The following PHF2 variants were observed in gnomAD, a reference collection of about 807,000 sequenced individuals.
PHF2 encodes the protein PHD finger protein 2.
Under a neutral mutation model 120.5 loss-of-function variants are expected in PHF2, and 27 were observed. The ratio of observed to expected loss-of-function variants is 0.22; its 90% CI spans 0.17 to 0.31. PHF2 has a LOEUF of 0.31. Among genes scored for constraint, PHF2 ranks in the 10% least tolerant of loss-of-function variants. The pLI is 1.00. For missense variants in PHF2, 1,024 were observed against 1,434.8 expected, an observed-to-expected ratio of 0.71 and a Z score of 4.63; for synonymous variants, 568 against 592.5, an observed-to-expected ratio of 0.96 and a Z score of 0.60.
chr9:93,612,843 G>A (rs1456878590), intron 1 of PHF2, among the ~76,000 whole-genome samples: 3 of 152,246 alleles, frequency 2.0e-5, no homozygotes, highest in Non-Finnish European at 4.4e-5. Flanking sequence ...TCTCTGTGGG[G>A]TTGTGAGAAG....
intron 1 of PHF2, among the ~76,000 whole-genome samples, chr9:93,615,334 T>G (rs1825713795): frequency 6.6e-6 from 1 of 151,550 alleles, no homozygotes; most frequent in African/African-American, 2.4e-5. Context: ...ATGGTGATGG[T>G]GATGATAGCA....
intron 2 of PHF2, among the ~76,000 whole-genome samples, chr9:93,633,572 C>T (rs1011456382): frequency 1.3e-5 from 2 of 152,208 alleles, no homozygotes; most frequent in African/African-American, 2.4e-5. Flanking sequence ...TGGGATAGGG[C>T]GCCCCATGCT....
intron 3 of PHF2, among the ~76,000 whole-genome samples, chr9:93,645,054 T>C (rs1826231429): frequency 1.3e-5 from 2 of 152,078 alleles, no homozygotes; most frequent in South Asian, 4.1e-4. Context: ...TGGGCAGGAA[T>C]GTGGGGACAG....
chr9:93,613,344 G>A (rs1182402691), intron 1 of PHF2, among the ~76,000 whole-genome samples: 1 of 152,196 alleles, frequency 6.6e-6, no homozygotes, highest in African/African-American at 2.4e-5. Context: ...CATTTGGGCT[G>A]CTCCTCTAGA....
chr9:93,672,087 T>C (rs1826806961), intron 17 of PHF2, among the ~76,000 whole-genome samples: 1 of 125,626 alleles, frequency 8.0e-6, no homozygotes, highest in African/African-American at 3.2e-5. Context: ...GATGCAGGTG[T>C]GGGTGTGGAT....
In PHF2 at chr9:93,678,195, C is replaced by CA. The variant is rs1469551611; in HGVS notation, c.*520dup. 4 of 153,302 alleles carry CA rather than the reference C, an allele frequency of 2.6e-5. No homozygotes were observed. The highest frequency in any genetic ancestry group is 9.6e-5 in the African/African-American group (4 of 41,470). 9.5% of individuals were successfully genotyped at this position (153,302 alleles called of 1,614,324 possible). A position where few individuals can be genotyped will look rare whatever the true frequency, so the allele number is the denominator to read the frequency against. On this transcript the variant is annotated 3_prime_UTR_variant, in exon 22 of 22. Transcript: ENST00000359246. ...TGAGTGATTCTCAGCCAAGTCCAGA[C>CA]AGTGCTCGGCGGGTGAGGAAGGGTC...
chr9:93,644,408 C>A (rs1826219230), intron 3 of PHF2, among the ~76,000 whole-genome samples: 1 of 145,432 alleles, frequency 6.9e-6, no homozygotes, highest in Non-Finnish European at 1.5e-5. Context: ...AAAAAAAATT[C>A]CAGCAGCTCC....
intron 1 of PHF2, among the ~76,000 whole-genome samples, chr9:93,614,920 A>C (rs1053523711): frequency 7.9e-5 from 12 of 151,382 alleles, no homozygotes; most frequent in Non-Finnish European, 1.3e-4. Flanking sequence ...GGTGATAGTA[A>C]TGGTGATGGT....
chr9:93,584,857 C>T (rs1249402091), intron 1 of PHF2, among the ~76,000 whole-genome samples: 1 of 152,210 alleles, frequency 6.6e-6, no homozygotes, highest in Non-Finnish European at 1.5e-5. Context: ...GTCTTTTGAT[C>T]CATGAACGTG....
intron 1 of PHF2, among the ~76,000 whole-genome samples, chr9:93,588,440 G>T (rs552317790): frequency 6.6e-6 from 1 of 152,124 alleles, no homozygotes; most frequent in African/African-American, 2.4e-5. Flanking sequence ...TTAAAGTTAA[G>T]CCAGCAACGA....
At chr9:93,673,548 A>G (rs1826848046) in intron 17 of PHF2, 37 bp from the exon 18 acceptor site, 1 of 1,509,614 alleles carries the variant, frequency 6.6e-7, no homozygotes, top group African/African-American at 1.4e-5. Context: ...GCAGGCCAAG[A>G]GCACTGGGCT....
chr9:93,614,236 G>A (rs1825684867), intron 1 of PHF2, among the ~76,000 whole-genome samples: 1 of 152,244 alleles, frequency 6.6e-6, no homozygotes, highest in East Asian at 1.9e-4. Flanking sequence ...AAGTAGCACA[G>A]GGTGGACCTC....
At chr9:93,659,732 C>T (rs1436862486) in intron 11 of PHF2, 132 bp downstream of exon 11, 1 of 776,178 alleles carries the variant, frequency 1.3e-6, no homozygotes, top group Non-Finnish European at 2.1e-6. Flanking sequence ...AGATGGTCCT[C>T]CTTGCACTTT....
chr9:93,617,498 T>A (rs1825747826), intron 1 of PHF2, among the ~76,000 whole-genome samples: 1 of 152,168 alleles, frequency 6.6e-6, no homozygotes, highest in South Asian at 2.1e-4. Flanking sequence ...ACAGGCTTCT[T>A]TAGAGATCCC....
At chr9:93,657,014 T>C (rs1031888242) in intron 9 of PHF2, among the ~76,000 whole-genome samples, 1 of 151,866 alleles carries the variant, frequency 6.6e-6, no homozygotes, top group Non-Finnish European at 1.5e-5. Flanking sequence ...AACTGGACCG[T>C]GAGGCAGGCT....
chr9:93,647,064 T>C (rs1319444996), intron 4 of PHF2, among the ~76,000 whole-genome samples: 1 of 152,202 alleles, frequency 6.6e-6, no homozygotes, highest in African/African-American at 2.4e-5. Context: ...GCCATGGCCA[T>C]CAGGTGGGCT....
chr9:93,656,451 GGTCA>G lies in PHF2; in HGVS notation c.1041-35_1041-32del, dbSNP rs1826461287. On this transcript the variant is annotated intron_variant, in intron 8 of 21. Transcript: ENST00000359246. The surrounding 1 kb of genome is among the most constrained non-coding windows in gnomAD (Gnocchi z 4.1). ...TGATGCCCAGCGTCGCCTGCTTGATGGTCAGTGCACTGAGAACTGCTCTTTGGTG... is the reference window on the plus strand; with the variant it reads ...TGATGCCCAGCGTCGCCTGCTTGATGGTGCACTGAGAACTGCTCTTTGGTG... 2 of 1,417,858 alleles carry G rather than the reference GGTCA, an allele frequency of 1.4e-6. No individual in the cohort carries two copies. Among genetic ancestry groups the G allele is most frequent in the African/African-American group, 1.4e-5 (1 of 71,234 alleles). 87.8% of individuals were successfully genotyped at this position (1,417,858 alleles called of 1,614,324 possible).
intron 1 of PHF2, among the ~76,000 whole-genome samples, chr9:93,614,801 T>C (rs1825694280): frequency 6.6e-6 from 1 of 152,150 alleles, no homozygotes; most frequent in African/African-American, 2.4e-5. Flanking sequence ...ATGATGATGG[T>C]AATGATAGTG....
At chr9:93,592,375 C>G (rs1217167463) in intron 1 of PHF2, among the ~76,000 whole-genome samples, 1 of 151,732 alleles carries the variant, frequency 6.6e-6, no homozygotes, top group African/African-American at 2.4e-5. Context: ...CATCATTGCC[C>G]CCATCACTGA....
Sources: gnomAD v4.1 joint callset for allele counts (sites outside exome capture counted in the v4.1 genomes callset) on GRCh38, gnomAD v4.1.1 for gene constraint, Gnocchi (gnomAD v3.1) non-coding constraint, MANE v1.5 for transcripts, NCBI Gene and HGNC (gene_info 2026-07-23, HGNC 2026-07-21) for gene names.